Variants in RPN2 observed in about 807,000 individuals in gnomAD.
RPN2 encodes the protein ribophorin II, also known as dolichyl-diphosphooligosaccharide--protein glycosyltransferase subunit 2.
A neutral mutation model predicts 71.4 loss-of-function variants in RPN2; 29 were observed. The observed-to-expected ratio is 0.41, with a 90% confidence interval of 0.30 to 0.55. The LOEUF (loss-of-function observed/expected upper bound fraction) is 0.55. Ranked by LOEUF, RPN2 falls within the 20% of genes least tolerant of loss-of-function variation. The pLI, the probability that RPN2 is intolerant of heterozygous loss-of-function variation, is 0.35. For synonymous variants in RPN2, 308 were observed against 305.0 expected (o/e 1.01, Z -0.10); for missense variants, 726 against 774.1 (o/e 0.94, Z 0.74).
intron 9 of RPN2, among the ~76,000 whole-genome samples, chr20:37,220,322 C>T (rs1169708577): frequency 6.6e-6 from 1 of 152,088 alleles, no homozygotes; most frequent in African/African-American, 2.4e-5. Context: ...CCTGTTTGTC[C>T]TCCCAAGAAA....
intron 7 of RPN2, among the ~76,000 whole-genome samples, chr20:37,208,380 A>G (rs2067569389): frequency 6.6e-6 from 1 of 151,784 alleles, no homozygotes; most frequent in African/African-American, 2.4e-5. Flanking sequence ...ACTTCCCAAT[A>G]CCAAACTTTC....
intron 16 of RPN2, among the ~76,000 whole-genome samples, chr20:37,237,652 T>G (rs964830952): frequency 3.3e-5 from 5 of 152,186 alleles, no homozygotes; most frequent in Admixed American, 2.0e-4. Flanking sequence ...GACGTGTTCC[T>G]TGGCTTTCCT....
chr20:37,217,165 C>T (rs1266812785), intron 9 of RPN2, among the ~76,000 whole-genome samples: 1 of 151,484 alleles, frequency 6.6e-6, no homozygotes, highest in Non-Finnish European at 1.5e-5. Context: ...CTCCTGGGCT[C>T]AAGCGATCTG....
chr20:37,210,039 A>C lies in RPN2; in HGVS notation c.868-8A>C, dbSNP rs538692245. 7 of 1,613,660 alleles carry C rather than the reference A, an allele frequency of 4.3e-6. No homozygotes were observed. The South Asian group carries it at 7.7e-5, about 18-fold the overall frequency. On this transcript the variant is annotated splice_region_variant and splice_polypyrimidine_tract_variant and intron_variant, in intron 7 of 16. Transcript: ENST00000237530. ...TGTTGTAACAAATAATTTTTTATTT[A>C]TTTCCAGTTGCAAGTCACCAATGTT...
rs1359218150 is a variant in RPN2 at position 37,228,710 on chromosome 20, A to G, written c.1460A>G (p.Asp487Gly). The change falls in exon 12 of 17, where the codon GAT becomes GGT. Residue 487 changes from aspartate to glycine, a missense_variant. By Grantham distance (94) the Asp-to-Gly change is moderately conservative. Transcript: ENST00000237530. The part of the protein sequence containing the change: ...GTYTLYLIIG[D>G]ATLKNPILWN... ...TACACTCTCTACTTAATCATTGGAG[A>G]TGCCACTTTGAAGAACCCAATCCTC... The G allele has an allele frequency of 6.2e-7, 1 of 1,614,230 alleles. No homozygotes were observed. Among genetic ancestry groups the G allele is most frequent in the East Asian group, 2.2e-5 (1 of 44,892 alleles).
chr20:37,240,593 C>A (rs979826627), intron 16 of RPN2, among the ~76,000 whole-genome samples: 2 of 152,212 alleles, frequency 1.3e-5, no homozygotes, highest in African/African-American at 4.8e-5. Flanking sequence ...CAGTTACTCA[C>A]TGCAGTCACC....
chr20:37,200,381 C>T, intron 4 of RPN2: 1 of 496,390 alleles, frequency 2.0e-6, no homozygotes, highest in Middle Eastern at 3.3e-4. Flanking sequence ...ACTTAAACTG[C>T]TCCTTTAAAA....
At chr20:37,180,950 G>T (rs1259923284) in intron 1 of RPN2, among the ~76,000 whole-genome samples, 1 of 152,162 alleles carries the variant, frequency 6.6e-6, no homozygotes, top group Non-Finnish European at 1.5e-5. Flanking sequence ...GTGGTCTCCA[G>T]CCGGGTGCGG....
chr20:37,225,557 C>T, intron 10 of RPN2, 131 bp from the exon 11 acceptor site: 1 of 724,292 alleles, frequency 1.4e-6, no homozygotes, highest in Non-Finnish European at 2.5e-6. Flanking sequence ...TTCTCCACAT[C>T]TGTCTGTCCA....
intron 15 of RPN2, 95 bp downstream of exon 15, chr20:37,234,190 TA>T: frequency 8.6e-7 from 1 of 1,161,534 alleles, no homozygotes. Flanking sequence ...ACCTATTACC[TA>T]TAATGACTTA....
rs1319935816 is a variant in RPN2, at chr20:37,210,088, C to A, written c.909C>A (p.Ala303=). ...TTCTGTCTCAGCCTCTGACTCAGGC[C>A]ACTGTTAAACTAGAACATGCTAAAT... ...TNVLSQPLTQ[A]TVKLEHAKSV... Residue 303 remains alanine (A), a synonymous_variant, in exon 8 of 17, where the codon GCC becomes GCA. Transcript: ENST00000237530. The A allele has an allele frequency of 1.8e-5, 29 of 1,613,982 alleles. No individual in the cohort carries two copies. The highest frequency in any genetic ancestry group is 2.3e-5 in the Non-Finnish European group (27 of 1,180,022).
chr20:37,184,164 G>A lies in RPN2; in HGVS notation c.14-16G>A, dbSNP rs780366243. On this transcript the variant is annotated splice_polypyrimidine_tract_variant and intron_variant, in intron 1 of 16. Coordinates refer to ENST00000237530, the MANE Select transcript of RPN2 (RefSeq NM_002951.5). ...GGAAGAGTGTAGAGTGTACTGAATGGTTGTTTCCCCCCAAGGTTCAAGCAC... is the reference window on the plus strand; with the variant it reads ...GGAAGAGTGTAGAGTGTACTGAATGATTGTTTCCCCCCAAGGTTCAAGCAC... 8 of 1,614,086 alleles carry A rather than the reference G, an allele frequency of 5.0e-6. No homozygotes were observed. The highest frequency in any genetic ancestry group is 6.8e-6 in the Non-Finnish European group (8 of 1,179,976).
At chr20:37,232,666 G>A (rs1363049598) in intron 14 of RPN2, among the ~76,000 whole-genome samples, 1 of 152,128 alleles carries the variant, frequency 6.6e-6, no homozygotes, top group African/African-American at 2.4e-5. Flanking sequence ...TGCCGTAGGA[G>A]GGTTCAGATG....
chr20:37,185,534 G>C (rs2066988303), intron 2 of RPN2, among the ~76,000 whole-genome samples: 1 of 152,158 alleles, frequency 6.6e-6, no homozygotes, highest in South Asian at 2.1e-4. Context: ...ATCTGCCTTA[G>C]TTTTCTTTGA....
intron 6 of RPN2, 93 bp from the exon 7 acceptor site, chr20:37,207,180 C>T (rs554147854): frequency 1.4e-5 from 14 of 1,026,938 alleles, no homozygotes; most frequent in South Asian, 2.5e-5. Flanking sequence ...TGTGAACACC[C>T]GAAACAGATA....
chr20:37,228,092 A>G (rs139079489), intron 11 of RPN2, among the ~76,000 whole-genome samples: 1 of 152,186 alleles, frequency 6.6e-6, no homozygotes, highest in East Asian at 1.9e-4. Context: ...CTGCCTTACC[A>G]TCAATACCCA....
intron 2 of RPN2, among the ~76,000 whole-genome samples, chr20:37,191,507 G>A (rs775282963): frequency 6.6e-5 from 10 of 151,798 alleles, no homozygotes; most frequent in Non-Finnish European, 1.0e-4. Context: ...TGGCTCACAC[G>A]TGTAATCCCA....
At position 37,241,012 on chromosome 20, in the gene RPN2, A is replaced by C. The variant is rs139139487; in HGVS notation, c.1884-291A>C. Among the ~76,000 whole-genome samples, 723 of 152,322 alleles carry C rather than the reference A, an allele frequency of 4.7e-3. 11 individuals are homozygous for C. The highest frequency in any genetic ancestry group is 0.03 in the East Asian group (158 of 5,190). On this transcript the variant is annotated intron_variant, in intron 16 of 16. Coordinates refer to ENST00000237530, the MANE Select transcript of RPN2 (RefSeq NM_002951.5). ...TTGCACTGTGAGAGGTGTGCCTGGA[A>C]TTACCTCATCTCCTTATGTTGTCAC...
intron 4 of RPN2, among the ~76,000 whole-genome samples, chr20:37,201,755 C>G (rs2067396400): frequency 6.6e-6 from 1 of 152,158 alleles, no homozygotes; most frequent in Non-Finnish European, 1.5e-5. Flanking sequence ...CTAATTTGCG[C>G]TATTAAAGGC....
Sources: allele counts gnomAD v4.1 joint callset (sites outside exome capture counted in the v4.1 genomes callset), GRCh38; gene constraint gnomAD v4.1.1; transcripts MANE v1.5; gene names NCBI Gene and HGNC (gene_info 2026-07-23, HGNC 2026-07-21).